Variants in IFIT3 observed in about 807,000 individuals in gnomAD.
IFIT3 encodes the protein interferon-induced protein with tetratricopeptide repeats 3.
Under a neutral mutation model 2.4 loss-of-function variants are expected in IFIT3, and 2 were observed. The ratio of observed to expected loss-of-function variants is 0.82; its 90% CI spans 0.34 to 2.60. IFIT3 has a LOEUF of 2.60. Among genes scored for constraint, IFIT3 ranks in the 30% most tolerant of loss-of-function variants. The pLI, the probability that IFIT3 is intolerant of heterozygous loss-of-function variation, is 0.11. For missense variants in IFIT3, 481 were observed against 562.4 expected, an observed-to-expected ratio of 0.86 and a Z score of 1.46; for synonymous variants, 203 against 212.1, an observed-to-expected ratio of 0.96 and a Z score of 0.37.
At chr10:89,328,221 G>T in intron 1 of IFIT3, 143 bp downstream of exon 1, 1 of 876,212 alleles carries the variant, frequency 1.1e-6, no homozygotes. Flanking sequence ...TTTGTAAGAT[G>T]TTTGAGGGGT....
rs1843617817 is a variant in IFIT3, at chr10:89,328,214, G to GT, written c.5+137dup. On this transcript the variant is annotated intron_variant, in intron 1 of 1. Coordinates refer to ENST00000371818, the MANE Select transcript of IFIT3 (RefSeq NM_001549.6). ...TATGTCTTTATCAGTCTGAGCATTT[G>GT]TAAGATGTTTGAGGGGTTTTTCCCT... 22 of 934,362 alleles carry GT rather than the reference G, an allele frequency of 2.4e-5. No individual in the cohort carries two copies. In the South Asian group the frequency reaches 3.1e-4, roughly 13 times the overall value. The allele number at this position is 934,362 out of a possible 1,614,324, so 57.9% of individuals were successfully genotyped here. A position where few individuals can be genotyped will look rare whatever the true frequency, so the allele number is the denominator to read the frequency against.
Position 89,328,020 on chromosome 10 carries a change from A to G in IFIT3, c.-54A>G. 1 of 1,611,452 alleles carries G rather than the reference A, an allele frequency of 6.2e-7. No homozygotes were observed. Among genetic ancestry groups the G allele is most frequent in the Non-Finnish European group, 8.5e-7 (1 of 1,177,650 alleles). On this transcript the variant is annotated 5_prime_UTR_variant, in exon 1 of 2. Transcript: ENST00000371818. Reference sequence around the variant, plus strand: ...AGGCAGACAGGAAGACTTCTGAAGAACAAATCAGCCTGGTCACCAGCTTTT... The same window carrying G: ...AGGCAGACAGGAAGACTTCTGAAGAGCAAATCAGCCTGGTCACCAGCTTTT...
chr10:89,332,647 C>T (rs1329199970), intron 1 of IFIT3: 4 of 1,612,800 alleles, frequency 2.5e-6, no homozygotes, highest in East Asian at 2.2e-5. Context: ...CCCTGCTTCT[C>T]TGATAGGAAA....
chr10:89,328,241 T>A (rs1238205662), intron 1 of IFIT3, among the ~76,000 whole-genome samples, 163 bp downstream of exon 1: 2 of 152,236 alleles, frequency 1.3e-5, no homozygotes, highest in Non-Finnish European at 2.9e-5. Context: ...TTTTTCCCTG[T>A]GGCTTTTTTT....
chr10:89,336,436 C>A (rs1213561318), intron 1 of IFIT3, among the ~76,000 whole-genome samples: 2 of 152,178 alleles, frequency 1.3e-5, no homozygotes, highest in Non-Finnish European at 2.9e-5. Context: ...CACTATAAAG[C>A]ATTTCATGTG....
Position 89,340,056 on chromosome 10 carries a change from T to C in IFIT3, c.1401T>C (p.Ser467=). The change falls in exon 2 of 2, where the codon AGT becomes AGC. Residue 467 remains serine, a synonymous_variant. Transcript: ENST00000371818. ...CAGCATCTGAGCTTGAGGATGGTAGTGAGGAAATGGGCCAGGGCGCAGTCA... is the reference window on the plus strand; with the variant it reads ...CAGCATCTGAGCTTGAGGATGGTAGCGAGGAAATGGGCCAGGGCGCAGTCA... ...FLSASELEDG[S]EEMGQGAVSS... is the part of the protein sequence containing the mutation. 15 of 1,613,970 alleles carry C rather than the reference T, an allele frequency of 9.3e-6. No homozygotes were observed. The highest frequency in any genetic ancestry group is 1.3e-5 in the Non-Finnish European group (15 of 1,179,950).
chr10:89,331,858 C>CAAAAAAAAAAAAA (rs10540155), intron 1 of IFIT3, among the ~76,000 whole-genome samples: 1 of 80,608 alleles, frequency 1.2e-5, no homozygotes. Context: ...GATCCTGTCT[C>CAAAAAAAAAAAAA]AAAAAAAAAA....
Position 89,339,332 on chromosome 10 carries a change from G to A in IFIT3, c.677G>A (p.Gly226Glu), listed in dbSNP as rs1441886057. 3 of 1,613,792 alleles carry A rather than the reference G, an allele frequency of 1.9e-6. No homozygotes were observed. The highest frequency in any genetic ancestry group is 2.5e-6 in the Non-Finnish European group (3 of 1,179,896). ...CAGAAGATGAATAAAGAAGCTGAAGGAGAGCAGTTTGTTGAAGAAGCCTTG... is the reference window on the plus strand; with the variant it reads ...CAGAAGATGAATAAAGAAGCTGAAGAAGAGCAGTTTGTTGAAGAAGCCTTG... ...KLQKMNKEAEGEQFVEEALEK... is the reference protein window; with the variant it reads ...KLQKMNKEAEEEQFVEEALEK... The change falls in exon 2 of 2, where the codon GGA (glycine) becomes GAA (glutamate). Residue 226 changes from glycine (G) to glutamate (E), a missense_variant. Coordinates refer to ENST00000371818, the MANE Select transcript of IFIT3 (RefSeq NM_001549.6).
In IFIT3 at chr10:89,338,839, C is replaced by T. The variant is rs1843793128; in HGVS notation, c.184C>T (p.His62Tyr). 6.2e-7 allele frequency: 1 copy of T among 1,614,140 alleles called. No individual in the cohort carries two copies. Residue 62 changes from histidine (H) to tyrosine (Y), a missense_variant, in exon 2 of 2, where the codon CAC becomes TAC. Physicochemically the swap from His to Tyr is moderately conservative, Grantham distance 83. Coordinates refer to ENST00000371818, the MANE Select transcript of IFIT3 (RefSeq NM_001549.6). ...GTACAACTTGTTGGCCTACATAAAA[C>T]ACCTAGATGGTAACAACGAGGCAGC... ...TMYNLLAYIK[H>Y]LDGNNEAALE... is the part of the protein sequence containing the mutation.
rs1589614040 is a variant in IFIT3 at position 89,340,202 on chromosome 10, G to A, written c.*74G>A. ...CGGGTAGGACGATAGGAAGACAGGG[G>A]GCCCCAACCTGGGATTGCTGAGCAG... On this transcript the variant is annotated 3_prime_UTR_variant, in exon 2 of 2. Coordinates refer to ENST00000371818, the MANE Select transcript of IFIT3 (RefSeq NM_001549.6). The A allele has an allele frequency of 6.8e-7, 1 of 1,475,746 alleles. No homozygotes were observed. Among genetic ancestry groups the A allele is most frequent in the Non-Finnish European group, 9.0e-7 (1 of 1,108,124 alleles). 91.4% of individuals were successfully genotyped at this position (1,475,746 alleles called of 1,614,324 possible).
At position 89,338,680 on chromosome 10, in the gene IFIT3, C is replaced by T; in HGVS notation, c.25C>T (p.Leu9=). ...CCACAGTGAGGTCACCAAGAATTCC[C>T]TGGAGAAAATCCTTCCACAGCTGAA... The part of the protein sequence containing the change: MSEVTKNS[L]EKILPQLKCH... Residue 9 remains leucine, a synonymous_variant, in exon 2 of 2, where the codon CTG becomes TTG. Transcript: ENST00000371818. 1 of 1,612,596 alleles carries T rather than the reference C, an allele frequency of 6.2e-7. No individual in the cohort carries two copies. Among genetic ancestry groups the T allele is most frequent in the Non-Finnish European group, 8.5e-7 (1 of 1,178,926 alleles).
chr10:89,340,184 G>A lies in IFIT3; in HGVS notation c.*56G>A. The stretch of plus-strand genomic sequence containing the variant: ...CTGCAGTGGTGGTTGTGACGGGTAG[G>A]ACGATAGGAAGACAGGGGGCCCCAA... On this transcript the variant is annotated 3_prime_UTR_variant, in exon 2 of 2. Transcript: ENST00000371818. 6 of 1,513,194 alleles carry A rather than the reference G, an allele frequency of 4.0e-6. No individual in the cohort carries two copies. The highest frequency in any genetic ancestry group is 5.3e-6 in the Non-Finnish European group (6 of 1,132,892). 93.7% of individuals were successfully genotyped at this position (1,513,194 alleles called of 1,614,324 possible). A position where few individuals can be genotyped will look rare whatever the true frequency, so the allele number is the denominator to read the frequency against.
chr10:89,328,379 A>G (rs575668102), intron 1 of IFIT3, among the ~76,000 whole-genome samples: 2 of 152,324 alleles, frequency 1.3e-5, no homozygotes, highest in South Asian at 4.1e-4. Flanking sequence ...AATGAGAGGA[A>G]GGCTTGGCAG....
chr10:89,331,798 G>A (rs1459509914), intron 1 of IFIT3, among the ~76,000 whole-genome samples: 1 of 149,100 alleles, frequency 6.7e-6, no homozygotes, highest in Non-Finnish European at 1.5e-5. Context: ...GGCAGAGGTT[G>A]CAGTAAGCTG....
intron 1 of IFIT3, among the ~76,000 whole-genome samples, chr10:89,331,462 C>T (rs894366028): frequency 3.9e-5 from 6 of 152,256 alleles, no homozygotes; most frequent in Admixed American, 1.3e-4. Flanking sequence ...CGTGAGCCTC[C>T]GTGCCTGGCC....
Position 89,339,279 on chromosome 10 carries a change from C to T in IFIT3, c.624C>T (p.Tyr208=), listed in dbSNP as rs375379157. Residue 208 remains tyrosine, a synonymous_variant, in exon 2 of 2, where the codon TAC becomes TAT. Transcript: ENST00000371818. ...TTGAGCTGAGTCCTGATAACCAATA[C>T]GTCAAGGTTCTCTTGGGCCTGAAAC... The part of the protein sequence containing the change: ...QAIELSPDNQ[Y]VKVLLGLKLQ... 3.2e-5 allele frequency: 52 copies of T among 1,614,018 alleles called. 1 individual carries two copies. The highest frequency in any genetic ancestry group is 3.0e-4 in the Admixed American group (18 of 59,996).
In IFIT3 at chr10:89,334,478, C is replaced by CTTTTTTTTTTTTTT. The variant is rs578154457; in HGVS notation, c.6-4161_6-4148dup. On this transcript the variant is annotated intron_variant, in intron 1 of 1. Coordinates refer to ENST00000371818, the MANE Select transcript of IFIT3 (RefSeq NM_001549.6). Reference sequence around the variant, plus strand: ...TGTTTTTTCTTCTTTTTCTTTTATTCTTTTTTTTTTTTTTTTTTTTTTTTT... The same window carrying CTTTTTTTTTTTTTT: ...TGTTTTTTCTTCTTTTTCTTTTATTCTTTTTTTTTTTTTTTTTTTTTTTTTTTTTTTTTTTTTTT... 3.7e-3 allele frequency among the ~76,000 whole-genome samples: 93 copies of CTTTTTTTTTTTTTT among 25,346 alleles called. 6 individuals are homozygous for CTTTTTTTTTTTTTT. Among genetic ancestry groups the CTTTTTTTTTTTTTT allele is most frequent in the Middle Eastern group, 0.056 (1 of 18 alleles). 16.6% of individuals were successfully genotyped at this position (25,346 alleles called of 152,430 possible). A position where few individuals can be genotyped will look rare whatever the true frequency, so the allele number is the denominator to read the frequency against.
At chr10:89,328,115 T>C (rs559655284) in intron 1 of IFIT3, 37 bp downstream of exon 1, 1 of 1,607,714 alleles carries the variant, frequency 6.2e-7, no homozygotes, top group Non-Finnish European at 8.5e-7. Flanking sequence ...TGCTTGTTTT[T>C]GAGTGCAAAT....
At position 89,339,657 on chromosome 10, in the gene IFIT3, T is replaced by C; in HGVS notation, c.1002T>C (p.Asp334=). The C allele has an allele frequency of 6.2e-7, 1 of 1,614,190 alleles. No homozygotes were observed. Among genetic ancestry groups the C allele is most frequent in the Non-Finnish European group, 8.5e-7 (1 of 1,180,020 alleles). ...KGLNPLNAYS[D]LAEFLETECY... ...TGAATCCTCTGAATGCATACTCCGA[T>C]CTCGCTGAGTTCCTGGAGACGGAAT... The change falls in exon 2 of 2, where the codon GAT becomes GAC. Residue 334 remains aspartate, a synonymous_variant. Transcript: ENST00000371818.
Sources: allele counts gnomAD v4.1 joint callset (sites outside exome capture counted in the v4.1 genomes callset), GRCh38; gene constraint gnomAD v4.1.1; transcripts MANE v1.5; gene names NCBI Gene and HGNC (gene_info 2026-07-23, HGNC 2026-07-21).